AFF2: variants seen among roughly 807,000 people sequenced by gnomAD.
AFF2 encodes ALF transcription elongation factor 2, also known as AF4/FMR2 family member 2.
In AFF2, 14 loss-of-function variants were observed where a neutral mutation model predicts 76.9. The observed-to-expected ratio is 0.18, with a 90% CI of 0.12 to 0.28. The LOEUF (loss-of-function observed/expected upper bound fraction) is 0.28. Among genes scored for constraint, AFF2 ranks in the 10% least tolerant of loss-of-function variants. The probability of loss-of-function intolerance (pLI) is 1.00; values close to 1 mark genes in which losing one functional copy is unlikely to be tolerated. For synonymous variants in AFF2, 398 were observed against 366.7 expected (o/e 1.09, Z -0.98); for missense variants, 868 against 1,001.1 (o/e 0.87, Z 1.79).
At chrX:148,610,471 T>C (rs999685904) in intron 1 of AFF2, among the ~76,000 whole-genome samples, 18 of 112,206 alleles carry the variant, frequency 1.6e-4, no homozygotes, top group Non-Finnish European at 3.4e-4. Context: ...AAACAAATAT[T>C]CTTGCAAATA....
chrX:148,756,899 G>T (rs1390936040), intron 3 of AFF2, among the ~76,000 whole-genome samples: 2 of 112,247 alleles, frequency 1.8e-5, no homozygotes, highest in African/African-American at 6.5e-5. Flanking sequence ...TTGACCTGTT[G>T]ACCCCTGGTC....
At chrX:148,861,381 T>C (rs955764254) in intron 7 of AFF2, among the ~76,000 whole-genome samples, 3 of 112,181 alleles carry the variant, frequency 2.7e-5, no homozygotes, top group African/African-American at 9.7e-5. Context: ...ATTCTCTTTT[T>C]CTAAATCCTT....
At chrX:148,581,603 CGTGT>C (rs2053409769) in intron 1 of AFF2, among the ~76,000 whole-genome samples, 1 of 99,822 alleles carries the variant, frequency 1.0e-5, no homozygotes, top group South Asian at 4.4e-4. Flanking sequence ...TATACGTATA[CGTGT>C]ACACACATAT....
chrX:148,581,591 TATATAC>T, intron 1 of AFF2, among the ~76,000 whole-genome samples: 3 of 86,236 alleles, frequency 3.5e-5, no homozygotes, highest in African/African-American at 1.3e-4. Context: ...TGTACACACA[TATATAC>T]GTATACGTGT....
intron 5 of AFF2, among the ~76,000 whole-genome samples, chrX:148,841,959 T>C (rs2070605879): frequency 8.9e-6 from 1 of 112,041 alleles, no homozygotes; most frequent in African/African-American, 3.2e-5. Flanking sequence ...ACTAAATAGA[T>C]GGGAAATTTC....
chrX:148,977,934 T>C lies in AFF2; in HGVS notation c.3406T>C (p.Tyr1136His). The C allele has an allele frequency of 8.4e-7, 1 of 1,195,619 alleles. No homozygotes were observed. Among genetic ancestry groups the C allele is most frequent in the Non-Finnish European group, 1.1e-6 (1 of 880,875 alleles). ...TTAGCTTTTCTTTTCTCTTCAAAGG[T>C]ATGCAATGAGGCTGAAGAACTTTGC... ...MYSETVELLR[Y>H]AMRLKNFASP... The change falls in exon 17 of 21, where the codon TAT (tyrosine) becomes CAT (histidine). Residue 1136 changes from tyrosine (Y) to histidine (H), a missense_variant and splice_region_variant. Physicochemically the swap from Tyr to His is moderately conservative, Grantham distance 83. Coordinates refer to ENST00000370460, the MANE Select transcript of AFF2 (RefSeq NM_002025.4).
intron 3 of AFF2, among the ~76,000 whole-genome samples, chrX:148,669,837 A>G (rs1473102281): frequency 1.8e-5 from 2 of 111,606 alleles, no homozygotes; most frequent in East Asian, 5.6e-4. Context: ...TATCTGGGCT[A>G]TTTCCAAACC....
At chrX:148,966,262 T>C (rs1448849095) in intron 13 of AFF2, among the ~76,000 whole-genome samples, 1 of 111,194 alleles carries the variant, frequency 9.0e-6, no homozygotes, top group Admixed American at 9.5e-5. Context: ...ATGATTAGAG[T>C]ACAATTTCCT....
intron 1 of AFF2, among the ~76,000 whole-genome samples, chrX:148,511,685 A>G (rs1364682117): frequency 1.8e-5 from 2 of 112,863 alleles, no homozygotes; most frequent in African/African-American, 3.2e-5. Flanking sequence ...CATTTTACAG[A>G]CAAGAAAGAT....
intron 1 of AFF2, among the ~76,000 whole-genome samples, chrX:148,618,779 T>G (rs2053839076): frequency 9.0e-6 from 1 of 111,696 alleles, no homozygotes; most frequent in Admixed American, 9.5e-5. Flanking sequence ...CCAAAGGGAT[T>G]CTGCTATTCG....
intron 3 of AFF2, among the ~76,000 whole-genome samples, chrX:148,705,606 C>T (rs73249434): frequency 0.012 from 1,370 of 111,608 alleles, 8 homozygotes; most frequent in Non-Finnish European, 0.017. Context: ...TAGGGAACAA[C>T]GGAGTTTTCA....
chrX:148,503,074 GATTA>G (rs1241163493), intron 1 of AFF2, among the ~76,000 whole-genome samples: 9 of 112,274 alleles, frequency 8.0e-5, no homozygotes, highest in African/African-American at 2.9e-4. Context: ...GTGAAATACT[GATTA>G]ATTAGTGTAA....
At chrX:148,619,139 A>G (rs1341434812) in intron 1 of AFF2, among the ~76,000 whole-genome samples, 1 of 111,764 alleles carries the variant, frequency 8.9e-6, no homozygotes, top group Non-Finnish European at 1.9e-5. Context: ...GGCAGTTTTG[A>G]AGGATTCCAC....
rs200225379 is a variant in AFF2, at chrX:148,973,548, C to T, written c.3345C>T (p.Arg1115=). ...CTGAATGTGGCAATGCCATGGAACG[C>T]GACCCTCTGGAAGCAAAGTCCCCAT... ...SFTECGNAME[R]DPLEAKSPYT... is the part of the protein sequence containing the mutation. The change falls in exon 16 of 21, where the codon CGC becomes CGT. Residue 1115 remains arginine, a synonymous_variant. Coordinates refer to ENST00000370460, the MANE Select transcript of AFF2 (RefSeq NM_002025.4). The T allele has an allele frequency of 1.5e-4, 186 of 1,209,753 alleles. No homozygotes were observed. The highest frequency in any genetic ancestry group is 2.3e-4 in the Middle Eastern group (1 of 4,352).
intron 1 of AFF2, among the ~76,000 whole-genome samples, chrX:148,504,810 G>A (rs1483198963): frequency 8.9e-6 from 1 of 112,526 alleles, no homozygotes; most frequent in African/African-American, 3.2e-5. Flanking sequence ...CATGGCCCAT[G>A]CACTGCAGCA....
At chrX:148,573,553 G>T (rs1487910379) in intron 1 of AFF2, among the ~76,000 whole-genome samples, 1 of 110,735 alleles carries the variant, frequency 9.0e-6, no homozygotes, top group Non-Finnish European at 1.9e-5. Flanking sequence ...CTTAAAATTA[G>T]AATCTGTTTG....
chrX:148,995,667 G>A lies in AFF2; in HGVS notation c.*4335G>A, dbSNP rs2072590174. On this transcript the variant is annotated 3_prime_UTR_variant, in exon 21 of 21. Coordinates refer to ENST00000370460, the MANE Select transcript of AFF2 (RefSeq NM_002025.4). ...TCTTCTAAGAGATTGGAGCTTTGCTGTTTCATTAACTGTGCAGTGTAGACT... is the reference window on the plus strand; with the variant it reads ...TCTTCTAAGAGATTGGAGCTTTGCTATTTCATTAACTGTGCAGTGTAGACT... The A allele has an allele frequency of 8.8e-6, 1 of 113,185 alleles. No homozygotes were observed. The highest frequency in any genetic ancestry group is 3.2e-5 in the African/African-American group (1 of 31,081). The allele number at this position is 113,185 out of a possible 1,213,427, so 9.3% of individuals were successfully genotyped here.
chrX:148,713,139 A>G (rs782444767), intron 3 of AFF2, among the ~76,000 whole-genome samples: 1 of 111,310 alleles, frequency 9.0e-6, no homozygotes, highest in African/African-American at 3.3e-5. Context: ...TAAAGAGGCC[A>G]TAGAGGCTGG....
chrX:148,560,865 G>T (rs1195190992), intron 1 of AFF2, among the ~76,000 whole-genome samples: 3 of 110,934 alleles, frequency 2.7e-5, no homozygotes, highest in African/African-American at 6.6e-5. Context: ...TCTCCTCAAA[G>T]TCCAGCTCTA....
Sources: allele counts gnomAD v4.1 joint callset (sites outside exome capture counted in the v4.1 genomes callset), GRCh38; gene constraint gnomAD v4.1.1; transcripts MANE v1.5; gene names NCBI Gene and HGNC (gene_info 2026-07-23, HGNC 2026-07-21).